The following SUSD1 variants were observed in gnomAD, a reference collection of about 807,000 sequenced individuals.
SUSD1 encodes sushi domain-containing protein 1.
A neutral mutation model predicts 86.9 loss-of-function variants in SUSD1; 65 were observed. The ratio of observed to expected loss-of-function variants is 0.75; its 90% CI spans 0.61 to 0.92. The LOEUF (loss-of-function observed/expected upper bound fraction) is 0.92, where lower values mean the gene tolerates loss of function less well. SUSD1 is among the 40% of genes least tolerant of loss of function. SUSD1 has a pLI of 0.00. For missense variants in SUSD1, 850 were observed against 929.7 expected (o/e 0.91, Z 1.11); for synonymous variants, 346 against 350.0 (o/e 0.99, Z 0.13).
Position 112,137,263 on chromosome 9 carries a change from G to GGGAGGA in SUSD1, c.706+5051_706+5056dup, listed in dbSNP as rs145497301. On this transcript the variant is annotated intron_variant, in intron 5 of 16. Transcript: ENST00000374270. ...AAACCGAGGCCATGTAGTGACACAG[G>GGGAGGA]GGAGGAGGAGGAGGAGGAGGAGGAG... Among the ~76,000 whole-genome samples the GGGAGGA allele has an allele frequency of 2.4e-4, 36 of 151,628 alleles. 3 individuals carry two copies. The highest frequency in any genetic ancestry group is 1.9e-4 in the African/African-American group (8 of 41,278).
chr9:112,058,796 TG>T (rs1828574878), intron 13 of SUSD1, 110 bp from the exon 14 acceptor site: 10 of 1,400,628 alleles, frequency 7.1e-6, no homozygotes, highest in South Asian at 7.0e-5. Context: ...TTTGTTTTTT[TG>T]TTTTTTGTTT....
chr9:112,125,534 C>T (rs904152809), intron 5 of SUSD1, among the ~76,000 whole-genome samples: 12 of 134,428 alleles, frequency 8.9e-5, no homozygotes, highest in African/African-American at 1.8e-4. Context: ...TATACCTAAA[C>T]GCAGAAAGAA....
chr9:112,056,665 A>G (rs904832596), intron 14 of SUSD1, among the ~76,000 whole-genome samples: 1 of 152,128 alleles, frequency 6.6e-6, no homozygotes, highest in Non-Finnish European at 1.5e-5. Context: ...CATGAAAGAG[A>G]GTATCAATGA....
intron 13 of SUSD1, among the ~76,000 whole-genome samples, chr9:112,061,779 A>T (rs1311024391): frequency 6.6e-6 from 1 of 152,156 alleles, no homozygotes; most frequent in Non-Finnish European, 1.5e-5. Flanking sequence ...TAATATCGCC[A>T]GACTTTCTTT....
intron 6 of SUSD1, among the ~76,000 whole-genome samples, chr9:112,114,588 C>T (rs1479340692): frequency 3.3e-5 from 5 of 152,340 alleles, no homozygotes; most frequent in Admixed American, 6.5e-5. Flanking sequence ...GGATATTCCA[C>T]AGCCCCAGCT....
At chr9:112,160,405 G>A (rs963707979) in intron 1 of SUSD1, among the ~76,000 whole-genome samples, 6 of 152,086 alleles carry the variant, frequency 3.9e-5, no homozygotes, top group Non-Finnish European at 5.9e-5. Context: ...TTAGCCGGGC[G>A]CAGTGGCAGG....
At chr9:112,129,741 G>A (rs911460189) in intron 5 of SUSD1, among the ~76,000 whole-genome samples, 3 of 152,270 alleles carry the variant, frequency 2.0e-5, no homozygotes, top group Non-Finnish European at 4.4e-5. Flanking sequence ...CAAGGACAGA[G>A]TCTTTGTCTT....
At chr9:112,173,696 G>A (rs10114892) in intron 1 of SUSD1, 192,819 of 417,572 alleles carry the variant, frequency 0.46, 46,229 homozygotes, top group African/African-American at 0.6. Flanking sequence ...GGTGGGCAAC[G>A]TAGGCAAGAG....
intron 12 of SUSD1, among the ~76,000 whole-genome samples, chr9:112,067,432 G>A (rs1829035781): frequency 6.6e-6 from 1 of 152,220 alleles, no homozygotes; most frequent in African/African-American, 2.4e-5. Context: ...TTGGAGTTGG[G>A]TTTCTGTCAC....
intron 12 of SUSD1, among the ~76,000 whole-genome samples, chr9:112,078,003 C>T (rs1829592547): frequency 6.6e-6 from 1 of 152,104 alleles, no homozygotes; most frequent in Admixed American, 6.5e-5. Flanking sequence ...CTTCCCCCTC[C>T]CCCTCCCCAC....
intron 6 of SUSD1, among the ~76,000 whole-genome samples, chr9:112,115,160 A>C (rs1246160157): frequency 2.6e-5 from 4 of 152,198 alleles, no homozygotes; most frequent in African/African-American, 7.2e-5. Flanking sequence ...GTGCAAAAGG[A>C]AGCCTGCACC....
intron 11 of SUSD1, 106 bp from the exon 12 acceptor site, chr9:112,078,830 T>TTTTTTTTTTTTTA (rs747300919): frequency 1.2e-6 from 1 of 863,586 alleles, no homozygotes; most frequent in African/African-American, 1.8e-5. Flanking sequence ...TTTTTTTTTT[T>TTTTTTTTTTTTTA]GAGATGGGGG....
intron 14 of SUSD1, among the ~76,000 whole-genome samples, chr9:112,056,293 T>A (rs567112967): frequency 1.0e-4 from 15 of 149,744 alleles, no homozygotes; most frequent in Non-Finnish European, 1.5e-4. Flanking sequence ...GAAAGTAGAA[T>A]GTTGGTTGCC....
intron 15 of SUSD1, 28 bp from the exon 16 acceptor site, chr9:112,041,988 C>T: frequency 6.2e-7 from 1 of 1,610,970 alleles, no homozygotes; most frequent in South Asian, 1.1e-5. Context: ...AGGCTTAGCC[C>T]AGAGTGCACG....
chr9:112,165,261 G>A (rs1833732341), intron 1 of SUSD1, among the ~76,000 whole-genome samples: 2 of 152,224 alleles, frequency 1.3e-5, no homozygotes, highest in African/African-American at 4.8e-5. Flanking sequence ...ATTGTAAAAT[G>A]GGATATCCAT....
At chr9:112,135,867 G>T (rs2131728176) in intron 5 of SUSD1, among the ~76,000 whole-genome samples, 1 of 152,328 alleles carries the variant, frequency 6.6e-6, no homozygotes, top group Admixed American at 6.5e-5. Flanking sequence ...TCTAAGGGAT[G>T]AACACCATTT....
chr9:112,156,161 T>TAA (rs35304715), intron 2 of SUSD1, among the ~76,000 whole-genome samples: 177 of 137,008 alleles, frequency 1.3e-3, no homozygotes, highest in African/African-American at 2.5e-3. Flanking sequence ...AAAATAAAGG[T>TAA]AAAAAAAAAA....
rs372290054 is a variant in SUSD1 at position 112,172,756 on chromosome 9, G to A, written c.103+2377C>T. Among the ~76,000 whole-genome samples the A allele has an allele frequency of 4.1e-4, 63 of 152,038 alleles. No homozygotes were observed. In the South Asian group the frequency reaches 0.012, roughly 30 times the overall value. On this transcript the variant is annotated intron_variant, in intron 1 of 16. Transcript: ENST00000374270. ...ATTTCCACCTTACTGTCTACATTCA[G>A]TCCGTTTCTGCTGTCATTACTGTGG...
chr9:112,100,875 C>CACACACACACAT (rs1186035377), intron 9 of SUSD1, among the ~76,000 whole-genome samples: 2 of 151,606 alleles, frequency 1.3e-5, no homozygotes, highest in African/African-American at 4.9e-5. Flanking sequence ...CACACACACA[C>CACACACACACAT]ACACACACAC....
Sources: allele counts gnomAD v4.1 joint callset (sites outside exome capture counted in the v4.1 genomes callset), GRCh38; gene constraint gnomAD v4.1.1; transcripts MANE v1.5; gene names NCBI Gene and HGNC (gene_info 2026-07-23, HGNC 2026-07-21).